The following OPRM1 variants were observed in gnomAD, a reference collection of about 807,000 sequenced individuals.
The protein encoded by OPRM1 is mu-type opioid receptor.
In OPRM1, 27 loss-of-function variants were observed where a neutral mutation model predicts 31.8. The ratio of observed to expected loss-of-function variants is 0.85; its 90% CI spans 0.63 to 1.17. OPRM1 has a LOEUF of 1.17. Among genes scored for constraint, OPRM1 ranks in the 50% most tolerant of loss-of-function variants. The pLI, the probability that OPRM1 is intolerant of heterozygous loss-of-function variation, is 0.00. For missense variants in OPRM1, 536 were observed against 511.1 expected (o/e 1.05, Z -0.47); for synonymous variants, 196 against 189.9 (o/e 1.03, Z -0.26).
At chr6:154,211,697 C>G (rs1777976836) in intron 3 of OPRM1, among the ~76,000 whole-genome samples, 1 of 152,208 alleles carries the variant, frequency 6.6e-6, no homozygotes. Context: ...AATTGTGGAA[C>G]AGTTTAAAAA....
intron 3 of OPRM1, among the ~76,000 whole-genome samples, chr6:154,177,378 C>T (rs1800425541): frequency 6.6e-6 from 1 of 152,068 alleles, no homozygotes; most frequent in African/African-American, 2.4e-5. Context: ...AAAATCTTTG[C>T]AATCTATCCA....
In OPRM1 at chr6:154,108,093, C is replaced by G. The variant is rs1316442005; in HGVS notation, c.1165-10590C>G. 1.6e-5 allele frequency: 10 copies of G among 631,108 alleles called. 1 individual carries two copies. Among genetic ancestry groups the G allele is most frequent in the Non-Finnish European group, 2.3e-5 (8 of 345,716 alleles). 39.1% of individuals were successfully genotyped at this position (631,108 alleles called of 1,614,324 possible). ...CATGCCAGGCTTCTGGGTTCCCTTTCCCTGAGCGGCCCTAGTGATCCGGCT... is the reference window on the plus strand; with the variant it reads ...CATGCCAGGCTTCTGGGTTCCCTTTGCCTGAGCGGCCCTAGTGATCCGGCT... On this transcript the variant is annotated intron_variant, in intron 3 of 3. Transcript: ENST00000330432.
chr6:154,010,531 A>G (rs1455793934), exon 1 of OPRM1: 3 of 1,547,810 alleles, frequency 1.9e-6, no homozygotes, highest in Non-Finnish European at 8.7e-7. Flanking sequence ...GGCTAAATCC[A>G]TCAGCACCAA....
At chr6:154,047,442 C>G (rs1472405231) in intron 1 of OPRM1, among the ~76,000 whole-genome samples, 1 of 146,590 alleles carries the variant, frequency 6.8e-6, no homozygotes, top group Non-Finnish European at 1.5e-5. Flanking sequence ...GCAAAATTCT[C>G]TCTCTCTCTC....
chr6:154,087,277 T>C (rs1408478308), intron 1 of OPRM1: 2 of 985,432 alleles, frequency 2.0e-6, no homozygotes, highest in Admixed American at 6.1e-5. Context: ...ATGAAATCAC[T>C]TTCCTGATGT....
chr6:154,212,407 T>C (rs1425802090), intron 3 of OPRM1, among the ~76,000 whole-genome samples: 1 of 152,216 alleles, frequency 6.6e-6, no homozygotes, highest in Non-Finnish European at 1.5e-5. Flanking sequence ...TGCATTGTTA[T>C]AGTACATGCA....
At chr6:154,033,050 A>C (rs978006073) in intron 1 of OPRM1, among the ~76,000 whole-genome samples, 2 of 152,258 alleles carry the variant, frequency 1.3e-5, no homozygotes, top group African/African-American at 4.8e-5. Context: ...GAATATGCTG[A>C]AAAGGTTAAT....
In OPRM1 at chr6:154,130,326, A is replaced by G. The variant is rs1000716047; in HGVS notation, c.*11605A>G. Reference sequence around the variant, plus strand: ...TGGGACTACAGGTGCCCGCCACAACACCTGGCTAATTTTTTGTATTTTTAG... The same window carrying G: ...TGGGACTACAGGTGCCCGCCACAACGCCTGGCTAATTTTTTGTATTTTTAG... On this transcript the variant is annotated 3_prime_UTR_variant, in exon 4 of 4. Coordinates refer to ENST00000330432, the MANE Select transcript of OPRM1 (RefSeq NM_000914.5). Among the ~76,000 whole-genome samples, 4 of 151,526 alleles carry G rather than the reference A, an allele frequency of 2.6e-5. No individual in the cohort carries two copies. The highest frequency in any genetic ancestry group is 9.7e-5 in the African/African-American group (4 of 41,224).
intron 3 of OPRM1, among the ~76,000 whole-genome samples, chr6:154,214,699 A>G (rs1038332060): frequency 1.3e-5 from 2 of 152,222 alleles, no homozygotes; most frequent in African/African-American, 4.8e-5. Context: ...AAATGTACGA[A>G]AAGATCATCC....
intron 1 of OPRM1, among the ~76,000 whole-genome samples, chr6:154,052,984 G>A (rs117838545): frequency 4.6e-5 from 7 of 152,322 alleles, no homozygotes; most frequent in Non-Finnish European, 8.8e-5. Context: ...TGAGGTTGAA[G>A]TTGTGCTATA....
intron 3 of OPRM1, among the ~76,000 whole-genome samples, chr6:154,209,248 T>C (rs2128602476): frequency 6.6e-6 from 1 of 152,320 alleles, no homozygotes; most frequent in Middle Eastern, 3.4e-3. Context: ...AAAATAAAAT[T>C]TTAACCAAAA....
intron 1 of OPRM1, among the ~76,000 whole-genome samples, chr6:154,041,856 T>G (rs1780137081): frequency 6.6e-6 from 1 of 152,204 alleles, no homozygotes; most frequent in African/African-American, 2.4e-5. Context: ...CTTGATATTT[T>G]CCTTCCTCAT....
intron 1 of OPRM1, among the ~76,000 whole-genome samples, chr6:154,062,500 C>A (rs1449041155): frequency 6.6e-6 from 1 of 151,914 alleles, no homozygotes; most frequent in Non-Finnish European, 1.5e-5. Flanking sequence ...ATCATATTTT[C>A]TCCTTACAAA....
At chr6:154,225,930 T>A (rs1779211843) in intron 3 of OPRM1, among the ~76,000 whole-genome samples, 1 of 152,182 alleles carries the variant, frequency 6.6e-6, no homozygotes, top group Non-Finnish European at 1.5e-5. Flanking sequence ...CCATCTACTG[T>A]TTTTAGTCCT....
intron 3 of OPRM1, among the ~76,000 whole-genome samples, chr6:154,111,542 C>G (rs541599513): frequency 6.6e-6 from 1 of 152,212 alleles, no homozygotes; most frequent in East Asian, 1.9e-4. Flanking sequence ...CATAGATTGA[C>G]AAGGTTGAAA....
intron 1 of OPRM1, among the ~76,000 whole-genome samples, chr6:154,083,194 T>C (rs1408490301): frequency 6.6e-6 from 1 of 152,188 alleles, no homozygotes; most frequent in Non-Finnish European, 1.5e-5. Flanking sequence ...GCAATGACAT[T>C]CGGCCATGTT....
intron 1 of OPRM1, among the ~76,000 whole-genome samples, chr6:154,084,835 C>T (rs190993592): frequency 1.2e-3 from 181 of 151,962 alleles, no homozygotes; most frequent in African/African-American, 4.2e-3. Flanking sequence ...AGAGATGAAA[C>T]TCTTCCGTCC....
chr6:154,105,509 C>T (rs1795444991), intron 3 of OPRM1, among the ~76,000 whole-genome samples: 1 of 152,070 alleles, frequency 6.6e-6, no homozygotes, highest in Admixed American at 6.6e-5. Flanking sequence ...TTAAGAACAC[C>T]TGTTAGAGTT....
intron 3 of OPRM1, among the ~76,000 whole-genome samples, chr6:154,221,041 C>T (rs536311547): frequency 4.2e-4 from 64 of 152,300 alleles, no homozygotes; most frequent in African/African-American, 1.3e-3. Flanking sequence ...CTTAGTGGTT[C>T]CCCGAAATAG....
Sources: allele counts gnomAD v4.1 joint callset (sites outside exome capture counted in the v4.1 genomes callset), GRCh38; gene constraint gnomAD v4.1.1; transcripts MANE v1.5; gene names NCBI Gene and HGNC (gene_info 2026-07-23, HGNC 2026-07-21).